Variants in CAPN2 observed in about 807,000 individuals in gnomAD.
CAPN2 encodes the protein calpain-2 catalytic subunit.
CAPN2 carries 92 observed loss-of-function variants against 102.3 expected under a neutral mutation model. That is an observed-to-expected ratio of 0.90 (90% CI 0.76 to 1.07). The LOEUF is 1.07. Among genes scored for constraint, CAPN2 ranks in the 50% least tolerant of loss-of-function variants. CAPN2 has a pLI of 0.00. For missense variants in CAPN2, 800 were observed against 909.4 expected (o/e 0.88, Z 1.55); for synonymous variants, 340 against 355.4 (o/e 0.96, Z 0.49).
At chr1:223,752,992 G>T (rs1477946774) in intron 9 of CAPN2, 36 bp downstream of exon 9, 1 of 1,605,704 alleles carries the variant, frequency 6.2e-7, no homozygotes, top group Admixed American at 1.7e-5. Context: ...GTTGCAATGC[G>T]GGGCCACCAA....
At position 223,718,824 on chromosome 1, in the gene CAPN2, C is replaced by T. The variant is rs75164515; in HGVS notation, c.307+993C>T. 9.6e-3 allele frequency among the ~76,000 whole-genome samples: 1,461 copies of T among 152,242 alleles called. 14 individuals are homozygous for T. Among genetic ancestry groups the T allele is most frequent in the African/African-American group, 0.033 (1,359 of 41,540 alleles). On this transcript the variant is annotated intron_variant, in intron 2 of 20. Coordinates refer to ENST00000295006, the MANE Select transcript of CAPN2 (RefSeq NM_001748.5). Reference sequence around the variant, plus strand: ...CAGCTAATATGTATCTCTAAGGCACCGTGATTATTCCCATTTTATAGATGA... The same window carrying T: ...CAGCTAATATGTATCTCTAAGGCACTGTGATTATTCCCATTTTATAGATGA...
At position 223,712,890 on chromosome 1, in the gene CAPN2, C is replaced by T. The variant is rs372036732; in HGVS notation, c.237+13C>T. On this transcript the variant is annotated intron_variant, in intron 1 of 20. Transcript: ENST00000295006. ...GAAGCGCCCCACGGTAGGAAGCGCG[C>T]GGCAGGACGCGGGCAGGGCGGGGTG... The T allele has an allele frequency of 2.0e-6, 3 of 1,500,874 alleles. No homozygotes were observed. The highest frequency in any genetic ancestry group is 2.9e-5 in the African/African-American group (2 of 69,542). The allele number at this position is 1,500,874 out of a possible 1,614,324, so 93.0% of individuals were successfully genotyped here. A position where few individuals can be genotyped will look rare whatever the true frequency, so the allele number is the denominator to read the frequency against.
In CAPN2 at chr1:223,756,226, C is replaced by G. The variant is rs959490819; in HGVS notation, c.1305+577C>G. ...GGCAGCCGCATTGCAGTCTCCTCTC[C>G]GCCCTCAGGCTGGGGCTGGGGCACT... On this transcript the variant is annotated intron_variant, in intron 10 of 20. Coordinates refer to ENST00000295006, the MANE Select transcript of CAPN2 (RefSeq NM_001748.5). The surrounding 1 kb of genome is among the most constrained non-coding windows in gnomAD (Gnocchi z 4.1). Among the ~76,000 whole-genome samples the G allele has an allele frequency of 3.9e-5, 6 of 152,244 alleles. No homozygotes were observed. The highest frequency in any genetic ancestry group is 1.4e-4 in the African/African-American group (6 of 41,462).
At chr1:223,770,972 G>A (rs890867093) in intron 18 of CAPN2, 7 of 156,484 alleles carry the variant, frequency 4.5e-5, no homozygotes, top group African/African-American at 1.7e-4. Flanking sequence ...GTCAGCATGA[G>A]GCTGTTCATT....
chr1:223,758,994 G>A, intron 11 of CAPN2: 1 of 456,960 alleles, frequency 2.2e-6, no homozygotes, highest in Non-Finnish European at 4.0e-6. Flanking sequence ...CCTAACAAAA[G>A]TTTGCTTTTT....
chr1:223,752,216 G>A lies in CAPN2; in HGVS notation c.974+145G>A, dbSNP rs1247669426. 1.8e-5 allele frequency: 11 copies of A among 626,614 alleles called. 1 individual carries two copies. Among genetic ancestry groups the A allele is most frequent in the Middle Eastern group, 2.5e-4 (1 of 3,946 alleles). 38.8% of individuals were successfully genotyped at this position (626,614 alleles called of 1,614,324 possible). ...TGGGATCCTGGTTTTGTTATTTTAA[G>A]TTCACTATAAGAGCCTGAATAAAGA... On this transcript the variant is annotated intron_variant, in intron 8 of 20. Transcript: ENST00000295006.
rs562932576 is a variant in CAPN2 at position 223,703,810 on chromosome 1, C to A, written c.3+1979C>A. Among the ~76,000 whole-genome samples the A allele has an allele frequency of 2.6e-5, 4 of 152,306 alleles. No individual in the cohort carries two copies. The South Asian group carries it at 8.3e-4, about 32-fold the overall frequency. ...TTGACACACTTGGTTAAACAGAATT[C>A]TCTGCTACAGGACTTGTCAGAGCCT... On this transcript the variant is annotated intron_variant, in intron 1 of 20. Transcript: ENST00000433674.
intron 4 of CAPN2, 24 bp downstream of exon 4, chr1:223,745,463 C>A: frequency 6.2e-7 from 1 of 1,613,844 alleles, no homozygotes; most frequent in Non-Finnish European, 8.5e-7. Flanking sequence ...CTCCCCTGGC[C>A]CCATGGCCTT....
rs1045114316 is a variant in CAPN2 at position 223,717,519 on chromosome 1, C to T, written c.238-243C>T. ...CACAATGAAGGAGGCTCCAGGCAGT[C>T]CAGAGTGTGCAGGGTCCAATGCCTG... On this transcript the variant is annotated intron_variant, in intron 1 of 20. Transcript: ENST00000295006. 1.1e-4 allele frequency among the ~76,000 whole-genome samples: 16 copies of T among 152,234 alleles called. No homozygotes were observed. In the East Asian group the frequency reaches 1.2e-3, roughly 11 times the overall value.
intron 3 of CAPN2, among the ~76,000 whole-genome samples, 166 bp from the exon 4 acceptor site, chr1:223,745,139 AG>A (rs1379830524): frequency 6.6e-6 from 1 of 151,664 alleles, no homozygotes; most frequent in Admixed American, 6.6e-5. Flanking sequence ...TCGCTTTTTT[AG>A]TGAGGACTTG....
intron 5 of CAPN2, among the ~76,000 whole-genome samples, chr1:223,748,680 G>A (rs996288567): frequency 8.7e-5 from 13 of 149,248 alleles, no homozygotes; most frequent in Non-Finnish European, 2.9e-5. Context: ...TCGGCCGTGC[G>A]CCCTTTCCCT....
intron 1 of CAPN2, among the ~76,000 whole-genome samples, chr1:223,717,397 G>A (rs1659905785): frequency 6.6e-6 from 1 of 152,188 alleles, no homozygotes; most frequent in African/African-American, 2.4e-5. Context: ...AGAGGAGAGA[G>A]GATGCTAACC....
At chr1:223,751,114 C>T (rs1047694953) in intron 7 of CAPN2, 139 bp downstream of exon 7, 12 of 775,158 alleles carry the variant, frequency 1.5e-5, no homozygotes, top group Non-Finnish European at 2.6e-5. Flanking sequence ...GGACAGGGAC[C>T]CGTGGACAGG....
intron 20 of CAPN2, chr1:223,772,494 G>A (rs1661508504): frequency 2.2e-6 from 1 of 460,992 alleles, no homozygotes; most frequent in Admixed American, 3.6e-5. Context: ...GTAGCTCAAG[G>A]TTAAACTAAG....
At chr1:223,761,774 G>A in intron 13 of CAPN2, 157 bp downstream of exon 13, 2 of 630,228 alleles carry the variant, frequency 3.2e-6, no homozygotes, top group South Asian at 4.2e-5. Flanking sequence ...ACCTGCATCA[G>A]CTCTGGCCTC....
At chr1:223,773,521 C>CCAT (rs1246740121) in intron 20 of CAPN2, among the ~76,000 whole-genome samples, 1 of 152,118 alleles carries the variant, frequency 6.6e-6, no homozygotes, top group Non-Finnish European at 1.5e-5. Context: ...TGGAGAAACC[C>CCAT]CATCTCTACT....
chr1:223,769,975 A>G, intron 17 of CAPN2, 66 bp downstream of exon 17: 3 of 1,218,506 alleles, frequency 2.5e-6, no homozygotes, highest in East Asian at 2.5e-5. Context: ...TTTAAGATGC[A>G]GCAACTCCTG....
chr1:223,709,538 T>C (rs1178883891), upstream of CAPN2, among the ~76,000 whole-genome samples: 1 of 151,952 alleles, frequency 6.6e-6, no homozygotes, highest in Non-Finnish European at 1.5e-5. Context: ...CAGGCACCTG[T>C]AATCCCAACT....
rs570657805 is a variant in CAPN2 at position 223,754,877 on chromosome 1, C to T, written c.1136-603C>T. Among the ~76,000 whole-genome samples the T allele has an allele frequency of 3.3e-5, 5 of 152,214 alleles. No homozygotes were observed. Among genetic ancestry groups the T allele is most frequent in the African/African-American group, 7.2e-5 (3 of 41,530 alleles). On this transcript the variant is annotated intron_variant, in intron 9 of 20. Coordinates refer to ENST00000295006, the MANE Select transcript of CAPN2 (RefSeq NM_001748.5). This position sits in a 1 kb window ranked among gnomAD's most constrained non-coding sequence, Gnocchi z 4.7. The stretch of plus-strand genomic sequence containing the variant: ...TCCCCCAGGCCAGCCGAGCCCCGCC[C>T]CAGGCTCCCCATCAGAGCCCAGTGA...
Sources: allele counts gnomAD v4.1 joint callset (sites outside exome capture counted in the v4.1 genomes callset), GRCh38; gene constraint gnomAD v4.1.1; non-coding constraint Gnocchi (gnomAD v3.1); transcripts MANE v1.5; gene names NCBI Gene and HGNC (gene_info 2026-07-23, HGNC 2026-07-21).